The following ACYP2 variants were observed in gnomAD, a reference collection of about 807,000 sequenced individuals.
ACYP2 encodes the protein acylphosphatase-2.
ACYP2 carries 12 observed loss-of-function variants against 11.2 expected under a neutral mutation model. That is an observed-to-expected ratio of 1.08 (90% confidence interval 0.69 to 1.74). The LOEUF is 1.74. Ranked by LOEUF, ACYP2 falls within the 40% of genes most tolerant of loss-of-function variation. ACYP2 has a pLI of 0.00. For missense variants in ACYP2, 134 were observed against 101.9 expected (o/e 1.31, Z -1.35); for synonymous variants, 43 against 32.2 (o/e 1.33, Z -1.13).
chr2:54,100,843 T>A (rs1572753626), intron 4 of ACYP2, among the ~76,000 whole-genome samples: 1 of 152,362 alleles, frequency 6.6e-6, no homozygotes, highest in East Asian at 1.9e-4. Context: ...GAATGGGAAA[T>A]GAGGCTGGAA....
At chr2:54,069,003 T>C (rs1302011180) in intron 4 of ACYP2, among the ~76,000 whole-genome samples, 1 of 152,154 alleles carries the variant, frequency 6.6e-6, no homozygotes, top group Non-Finnish European at 1.5e-5. Flanking sequence ...CACAGCTCAC[T>C]GTAGCTTCAA....
intron 2 of ACYP2, among the ~76,000 whole-genome samples, chr2:54,042,922 C>T (rs2104564458): frequency 6.6e-6 from 1 of 152,338 alleles, no homozygotes; most frequent in Non-Finnish European, 1.5e-5. Context: ...ACCATTTCCA[C>T]CTCCCTATAA....
At chr2:54,082,092 T>TTCAGGGAG (rs1677686866) in intron 4 of ACYP2, among the ~76,000 whole-genome samples, 1 of 152,218 alleles carries the variant, frequency 6.6e-6, no homozygotes, top group Admixed American at 6.5e-5. Context: ...CCCTGAATCC[T>TTCAGGGAG]AACCCTGATC....
chr2:54,255,753 C>T, intron 6 of ACYP2: 4 of 1,613,952 alleles, frequency 2.5e-6, no homozygotes, highest in Non-Finnish European at 3.4e-6. Context: ...ACCTCCCTGC[C>T]CCACAGGTTT....
chr2:54,302,674 C>T (rs1222141516), intron 6 of ACYP2, among the ~76,000 whole-genome samples: 1 of 152,158 alleles, frequency 6.6e-6, no homozygotes, highest in Non-Finnish European at 1.5e-5. Flanking sequence ...TAACAGACAT[C>T]TCAAATGTAA....
chr2:53,973,895 GTGTGTGTATA>G lies in ACYP2; in HGVS notation c.62+87_62+96del, dbSNP rs1246417127. On this transcript the variant is annotated intron_variant, in intron 2 of 6. Coordinates refer to ENST00000607452, the MANE Select transcript of ACYP2 (RefSeq NM_001320586.2). ...TGTGTGTGTGTGTGTGTGTGTGTGT[GTGTGTGTATA>G]TATTTTTTTTTTTTTTTTTTTTTTT... The G allele has an allele frequency of 2.4e-4, 15 of 62,240 alleles. 2 individuals carry two copies. The highest frequency in any genetic ancestry group is 1.2e-3 in the African/African-American group (15 of 12,178). 3.9% of individuals were successfully genotyped at this position (62,240 alleles called of 1,614,324 possible).
chr2:53,997,322 T>C (rs1276725002), intron 2 of ACYP2, among the ~76,000 whole-genome samples: 1 of 152,192 alleles, frequency 6.6e-6, no homozygotes, highest in African/African-American at 2.4e-5. Flanking sequence ...TTATTGTTTT[T>C]TGAGACAGAG....
At chr2:54,247,955 C>CA (rs1484745938) in intron 6 of ACYP2, among the ~76,000 whole-genome samples, 1 of 152,220 alleles carries the variant, frequency 6.6e-6, no homozygotes, top group Non-Finnish European at 1.5e-5. Context: ...TAAGAAAATG[C>CA]ACACAAAGTG....
chr2:54,142,017 T>TTTGTTG (rs10611682), intron 6 of ACYP2: 230 of 400,118 alleles, frequency 5.7e-4, no homozygotes, highest in African/African-American at 4.1e-3. Context: ...GTGTGTATAT[T>TTTGTTG]TTGTTGTTGT....
At chr2:54,096,471 C>CTAA (rs1678588512) in intron 4 of ACYP2, among the ~76,000 whole-genome samples, 1 of 152,060 alleles carries the variant, frequency 6.6e-6, no homozygotes, top group Admixed American at 6.6e-5. Context: ...CTTTGGGAGG[C>CTAA]CAAGGCAGGC....
chr2:54,095,490 C>T (rs1394915749), intron 4 of ACYP2, among the ~76,000 whole-genome samples: 4 of 150,524 alleles, frequency 2.7e-5, no homozygotes, highest in East Asian at 4.0e-4. Context: ...ACCTCCCGGA[C>T]GGGGCGGCTG....
chr2:54,055,965 G>A (rs1174385460), intron 3 of ACYP2, among the ~76,000 whole-genome samples: 1 of 152,092 alleles, frequency 6.6e-6, no homozygotes, highest in Non-Finnish European at 1.5e-5. Flanking sequence ...ACCCCCATAG[G>A]CATACTGTAA....
intron 6 of ACYP2, among the ~76,000 whole-genome samples, chr2:54,227,436 C>A (rs527903425): frequency 1.3e-5 from 2 of 151,942 alleles, no homozygotes; most frequent in Non-Finnish European, 2.9e-5. Flanking sequence ...GTCAGGAGAT[C>A]GAGACCATCC....
chr2:54,190,240 T>C (rs1684186352), intron 6 of ACYP2, among the ~76,000 whole-genome samples: 1 of 152,184 alleles, frequency 6.6e-6, no homozygotes, highest in South Asian at 2.1e-4. Context: ...ATTTTTGCTT[T>C]TGTAGCCTGA....
chr2:53,988,309 A>G (rs1486318048), intron 2 of ACYP2, among the ~76,000 whole-genome samples: 30 of 152,012 alleles, frequency 2.0e-4, no homozygotes, highest in Non-Finnish European at 2.9e-5. Flanking sequence ...TAAGTCCATG[A>G]TTCATCATTA....
intron 6 of ACYP2, among the ~76,000 whole-genome samples, chr2:54,192,417 C>A (rs1684276146): frequency 6.6e-6 from 1 of 152,060 alleles, no homozygotes; most frequent in Non-Finnish European, 1.5e-5. Flanking sequence ...AAAATGTTGT[C>A]AACCTTATGG....
chr2:54,251,907 T>C (rs985854090), intron 6 of ACYP2, among the ~76,000 whole-genome samples: 6 of 152,182 alleles, frequency 3.9e-5, no homozygotes, highest in Non-Finnish European at 4.4e-5. Flanking sequence ...TGTAACACAA[T>C]CCACTGTATG....
intron 6 of ACYP2, among the ~76,000 whole-genome samples, chr2:54,199,508 G>T (rs1684663775): frequency 6.6e-6 from 1 of 152,194 alleles, no homozygotes; most frequent in African/African-American, 2.4e-5. Flanking sequence ...CCTGGTGAGA[G>T]AAGACAGGAT....
chr2:54,131,503 A>T (rs976485792), intron 4 of ACYP2, among the ~76,000 whole-genome samples: 1 of 152,184 alleles, frequency 6.6e-6, no homozygotes, highest in Non-Finnish European at 1.5e-5. Flanking sequence ...AATCTACGTG[A>T]CAGGCTGCCT....
Sources: allele counts gnomAD v4.1 joint callset (sites outside exome capture counted in the v4.1 genomes callset), GRCh38; gene constraint gnomAD v4.1.1; transcripts MANE v1.5; gene names NCBI Gene and HGNC (gene_info 2026-07-23, HGNC 2026-07-21).